The following FAM229B variants were observed in gnomAD, a reference collection of about 807,000 sequenced individuals.
FAM229B encodes protein FAM229B.
A neutral mutation model predicts 6.7 loss-of-function variants in FAM229B; 2 were observed. The observed-to-expected ratio is 0.30, with a 90% confidence interval of 0.12 to 0.94. The LOEUF (loss-of-function observed/expected upper bound fraction) is 0.94. Among genes scored for constraint, FAM229B ranks in the 40% least tolerant of loss-of-function variants. FAM229B has a pLI of 0.54. For missense variants in FAM229B, 93 were observed against 96.2 expected (o/e 0.97, Z 0.14); for synonymous variants, 29 against 34.0 (o/e 0.85, Z 0.51).
chr6:112,094,371 A>T (rs1001127249), intron 1 of FAM229B, among the ~76,000 whole-genome samples: 1 of 152,110 alleles, frequency 6.6e-6, no homozygotes, highest in Non-Finnish European at 1.5e-5. Flanking sequence ...GCCTGTGCTT[A>T]TGTCTCAGAC....
intron 1 of FAM229B, among the ~76,000 whole-genome samples, chr6:112,095,702 T>G (rs1777316816): frequency 7.0e-6 from 1 of 143,576 alleles, no homozygotes; most frequent in Non-Finnish European, 1.5e-5. Context: ...TCTAACCTAA[T>G]TCTGATGCTA....
intron 1 of FAM229B, among the ~76,000 whole-genome samples, chr6:112,091,871 G>A (rs1284010010): frequency 7.0e-6 from 1 of 143,000 alleles, no homozygotes; most frequent in Non-Finnish European, 1.6e-5. Context: ...GACTGAGAAG[G>A]GACAAAGAAA....
chr6:112,098,689 A>G (rs1250564578), intron 2 of FAM229B, among the ~76,000 whole-genome samples: 1 of 152,238 alleles, frequency 6.6e-6, no homozygotes, highest in Admixed American at 6.5e-5. Context: ...AGCTAAAGAT[A>G]TCTTGGTGAA....
At chr6:112,095,177 G>A (rs1272409291) in intron 1 of FAM229B, among the ~76,000 whole-genome samples, 1 of 152,154 alleles carries the variant, frequency 6.6e-6, no homozygotes, top group African/African-American at 2.4e-5. Flanking sequence ...AAAATATGTA[G>A]GAAGTAGTGC....
At position 112,087,652 on chromosome 6, in the gene FAM229B, C is replaced by A; in HGVS notation, c.-244C>A. ...TTACCGTAGCGACTGGGCTTCTGGA[C>A]TGTATATCCTAGCTGCCTTGTCAAC... On this transcript the variant is annotated 5_prime_UTR_variant, in exon 1 of 4. In the 5' UTR this introduces an upstream ATG that the reference lacks. Transcript: ENST00000368656. 1 of 553,520 alleles carries A rather than the reference C, an allele frequency of 1.8e-6. No individual in the cohort carries two copies. The highest frequency in any genetic ancestry group is 3.2e-6 in the Non-Finnish European group (1 of 312,602). 34.3% of individuals were successfully genotyped at this position (553,520 alleles called of 1,614,324 possible).
chr6:112,091,540 G>T (rs1030608133), intron 1 of FAM229B, among the ~76,000 whole-genome samples: 2 of 152,146 alleles, frequency 1.3e-5, no homozygotes, highest in African/African-American at 4.8e-5. Context: ...ATGAAAGGCT[G>T]TTGTAATCTA....
intron 1 of FAM229B, among the ~76,000 whole-genome samples, chr6:112,089,917 G>T (rs1231336013): frequency 6.6e-6 from 1 of 152,088 alleles, no homozygotes; most frequent in African/African-American, 2.4e-5. Flanking sequence ...ATGTTCTATA[G>T]GACAATTTAT....
chr6:112,088,137 C>A (rs1777203464), intron 1 of FAM229B, among the ~76,000 whole-genome samples: 1 of 152,142 alleles, frequency 6.6e-6, no homozygotes, highest in African/African-American at 2.4e-5. Flanking sequence ...TGAAGACATA[C>A]ACGCGAAATA....
chr6:112,094,585 T>A (rs1777298573), intron 1 of FAM229B, among the ~76,000 whole-genome samples: 2 of 152,192 alleles, frequency 1.3e-5, no homozygotes, highest in Admixed American at 1.3e-4. Flanking sequence ...CTAAAACAAA[T>A]CCTATCGTAA....
At chr6:112,089,010 G>A (rs587661443) in intron 1 of FAM229B, among the ~76,000 whole-genome samples, 1 of 152,190 alleles carries the variant, frequency 6.6e-6, no homozygotes, top group East Asian at 1.9e-4. Context: ...GCAAGGTAGA[G>A]CCTCACATGC....
At chr6:112,099,160 ACT>A (rs1777362777) in intron 2 of FAM229B, 108 bp from the exon 3 acceptor site, 1 of 951,384 alleles carries the variant, frequency 1.1e-6, no homozygotes, top group Admixed American at 2.6e-5. Flanking sequence ...ACATAGTGAG[ACT>A]CTGACTCTTT....
intron 1 of FAM229B, among the ~76,000 whole-genome samples, chr6:112,095,659 AAC>A (rs1777313864): frequency 1.4e-5 from 2 of 139,404 alleles, no homozygotes; most frequent in African/African-American, 2.9e-5. Context: ...AAAAAAAAAA[AAC>A]CAAAAAAAAA....
Position 112,102,776 on chromosome 6 carries a change from C to G in FAM229B, c.*1989C>G, listed in dbSNP as rs1554319431. 1 of 151,790 alleles carries G rather than the reference C, an allele frequency of 6.6e-6. No individual in the cohort carries two copies. Among genetic ancestry groups the G allele is most frequent in the African/African-American group, 2.4e-5 (1 of 41,314 alleles). The allele number at this position is 151,790 out of a possible 1,614,324, so 9.4% of individuals were successfully genotyped here. ...AAACCCATCAAAATAAAAATAAAAACTACAATAAAATCCAGCACCAAAAGT... is the reference window on the plus strand; with the variant it reads ...AAACCCATCAAAATAAAAATAAAAAGTACAATAAAATCCAGCACCAAAAGT... On this transcript the variant is annotated 3_prime_UTR_variant, in exon 4 of 4. Transcript: ENST00000368656.
chr6:112,090,207 G>GTCTA (rs71272393), intron 1 of FAM229B, among the ~76,000 whole-genome samples: 44,786 of 151,804 alleles, frequency 0.3, 6,901 homozygotes, highest in African/African-American at 0.4. Context: ...GTTGTGGGTG[G>GTCTA]TCTGTTTTTA....
At chr6:112,091,361 T>C (rs1318222243) in intron 1 of FAM229B, among the ~76,000 whole-genome samples, 2 of 152,126 alleles carry the variant, frequency 1.3e-5, no homozygotes, top group African/African-American at 2.4e-5. Context: ...TATGTAAGAC[T>C]GAGGAAAGAA....
At chr6:112,090,178 C>T (rs1777239430) in intron 1 of FAM229B, among the ~76,000 whole-genome samples, 1 of 151,380 alleles carries the variant, frequency 6.6e-6, no homozygotes. Context: ...TGTAAGTTGT[C>T]ATTAAAATAT....
chr6:112,089,082 C>T (rs1554317895), intron 1 of FAM229B, among the ~76,000 whole-genome samples: 2 of 152,120 alleles, frequency 1.3e-5, no homozygotes, highest in African/African-American at 2.4e-5. Context: ...TCGGTTGAAC[C>T]GCAGCGGGCT....
chr6:112,088,999 A>G (rs1777220267), intron 1 of FAM229B, among the ~76,000 whole-genome samples: 1 of 152,220 alleles, frequency 6.6e-6, no homozygotes, highest in African/African-American at 2.4e-5. Flanking sequence ...TTAAGAGCCA[A>G]GCAAGGTAGA....
rs587735664 is a variant in FAM229B at position 112,097,743 on chromosome 6, A to G, written c.-15+542A>G. On this transcript the variant is annotated intron_variant, in intron 2 of 3. Coordinates refer to ENST00000368656, the MANE Select transcript of FAM229B (RefSeq NM_001033564.3). ...ATAGTTGAAAACATTGTGTACTAAT[A>G]GTTGAATACATTGTGTACTAATAGT... is the stretch of plus-strand genomic sequence containing the variant. 1.8e-3 allele frequency among the ~76,000 whole-genome samples: 269 copies of G among 152,368 alleles called. 3 individuals carry two copies. Among genetic ancestry groups the G allele is most frequent in the African/African-American group, 6.3e-3 (264 of 41,586 alleles).
Sources: gnomAD v4.1 joint callset for allele counts (sites outside exome capture counted in the v4.1 genomes callset) on GRCh38, gnomAD v4.1.1 for gene constraint, MANE v1.5 for transcripts, NCBI Gene and HGNC (gene_info 2026-07-23, HGNC 2026-07-21) for gene names.